Variants in BICC1 observed in about 807,000 individuals in gnomAD.
BICC1 encodes the protein BicC family RNA binding protein 1, also known as protein bicaudal C homolog 1.
BICC1 carries 43 observed loss-of-function variants against 111.0 expected under a neutral mutation model. The ratio of observed to expected loss-of-function variants is 0.39; its 90% CI spans 0.30 to 0.50. The LOEUF (loss-of-function observed/expected upper bound fraction) is 0.50, where lower values mean the gene tolerates loss of function less well. Ranked by LOEUF, BICC1 falls within the 20% of genes least tolerant of loss-of-function variation. BICC1 has a pLI of 0.88. For synonymous variants in BICC1, 467 were observed against 434.4 expected (o/e 1.07, Z -0.93); for missense variants, 1,091 against 1,203.2 (o/e 0.91, Z 1.38).
intron 1 of BICC1, among the ~76,000 whole-genome samples, chr10:58,566,848 T>C (rs545870873): frequency 1.2e-3 from 181 of 152,234 alleles, no homozygotes; most frequent in Non-Finnish European, 2.0e-3. Flanking sequence ...CATTCTTCTG[T>C]TATTCACGAT....
intron 4 of BICC1, among the ~76,000 whole-genome samples, chr10:58,785,289 C>T (rs950911995): frequency 3.3e-5 from 5 of 151,774 alleles, no homozygotes; most frequent in African/African-American, 7.3e-5. Flanking sequence ...ACTATACATA[C>T]ACACACACAC....
At position 58,659,496 on chromosome 10, in the gene BICC1, A is replaced by G. The variant is rs540855008; in HGVS notation, c.237+38595A>G. Among the ~76,000 whole-genome samples, 4 of 152,274 alleles carry G rather than the reference A, an allele frequency of 2.6e-5. No individual in the cohort carries two copies. The South Asian group carries it at 6.2e-4, about 24-fold the overall frequency. On this transcript the variant is annotated intron_variant, in intron 2 of 20. Transcript: ENST00000373886. ...CTAACACAGGAGCAGAAAACCAAACACCATGTATTCTCACTTATAAGTGGG... is the reference window on the plus strand; with the variant it reads ...CTAACACAGGAGCAGAAAACCAAACGCCATGTATTCTCACTTATAAGTGGG...
intron 18 of BICC1, among the ~76,000 whole-genome samples, chr10:58,815,498 T>C (rs530333763): frequency 6.6e-6 from 1 of 152,312 alleles, no homozygotes; most frequent in South Asian, 2.1e-4. Context: ...TCTCTTTTTC[T>C]ATCTTTATCT....
At chr10:58,668,181 T>A (rs1195608900) in intron 2 of BICC1, among the ~76,000 whole-genome samples, 2 of 152,044 alleles carry the variant, frequency 1.3e-5, no homozygotes, top group African/African-American at 4.8e-5. Context: ...GGAAAGGAAG[T>A]TTTACGTCAT....
At chr10:58,713,906 T>G (rs1301908044) in intron 3 of BICC1, among the ~76,000 whole-genome samples, 2 of 152,214 alleles carry the variant, frequency 1.3e-5, no homozygotes, top group African/African-American at 2.4e-5. Context: ...TTTACTGTGA[T>G]TTATAAACTT....
intron 1 of BICC1, among the ~76,000 whole-genome samples, chr10:58,539,448 T>C (rs1355270810): frequency 6.6e-6 from 1 of 151,544 alleles, no homozygotes; most frequent in Admixed American, 6.6e-5. Flanking sequence ...AGTGTTCAGG[T>C]GGTGGGTGCA....
chr10:58,515,535 T>A (rs757989936), intron 1 of BICC1, among the ~76,000 whole-genome samples: 3 of 152,220 alleles, frequency 2.0e-5, no homozygotes, highest in Non-Finnish European at 4.4e-5. Flanking sequence ...AGGTAATGTG[T>A]TATGTTACTA....
At chr10:58,725,405 T>C (rs1380790074) in intron 3 of BICC1, among the ~76,000 whole-genome samples, 1 of 152,178 alleles carries the variant, frequency 6.6e-6, no homozygotes, top group African/African-American at 2.4e-5. Flanking sequence ...ATTTTCTCTC[T>C]ACCTCTGTCT....
chr10:58,742,431 A>ATTT lies in BICC1; in HGVS notation c.307+40310_307+40312dup, dbSNP rs554670544. 1.6e-3 allele frequency among the ~76,000 whole-genome samples: 151 copies of ATTT among 94,142 alleles called. 1 individual carries two copies. The highest frequency in any genetic ancestry group is 8.9e-3 in the Middle Eastern group (1 of 112). 61.8% of individuals were successfully genotyped at this position (94,142 alleles called of 152,430 possible). A position where few individuals can be genotyped will look rare whatever the true frequency, so the allele number is the denominator to read the frequency against. Reference sequence around the variant, plus strand: ...GCCATGAGGTCATGTGTATGCTTTAATTTTTTTTTTTTTTTTTTTTTTTTG... The same window carrying ATTT: ...GCCATGAGGTCATGTGTATGCTTTAATTTTTTTTTTTTTTTTTTTTTTTTTTTG... On this transcript the variant is annotated intron_variant, in intron 3 of 20. Coordinates refer to ENST00000373886, the MANE Select transcript of BICC1 (RefSeq NM_001080512.3).
chr10:58,808,132 A>G (rs188183704), intron 17 of BICC1, among the ~76,000 whole-genome samples: 1 of 151,526 alleles, frequency 6.6e-6, no homozygotes, highest in East Asian at 1.9e-4. Flanking sequence ...TTGAAATACT[A>G]AAAGAGTCTC....
intron 1 of BICC1, among the ~76,000 whole-genome samples, chr10:58,563,954 T>C (rs1223235218): frequency 6.6e-6 from 1 of 152,258 alleles, no homozygotes; most frequent in African/African-American, 2.4e-5. Context: ...TTTTATTTTG[T>C]ACGGCTCTTT....
intron 3 of BICC1, among the ~76,000 whole-genome samples, chr10:58,722,601 A>C (rs1840974008): frequency 6.6e-6 from 1 of 152,212 alleles, no homozygotes; most frequent in Admixed American, 6.5e-5. Flanking sequence ...TATACAGGAA[A>C]ATAAAATTAG....
chr10:58,733,861 G>C (rs1476716098), intron 3 of BICC1, among the ~76,000 whole-genome samples: 6 of 152,202 alleles, frequency 3.9e-5, no homozygotes, highest in Non-Finnish European at 7.3e-5. Context: ...TCTTGATGCA[G>C]AACTATGAAT....
chr10:58,701,997 T>A, intron 2 of BICC1, 77 bp from the exon 3 acceptor site: 2 of 1,134,228 alleles, frequency 1.8e-6, no homozygotes, highest in South Asian at 1.4e-5. Flanking sequence ...GAAAATAAAC[T>A]TTTTTGTGTG....
intron 20 of BICC1, chr10:58,823,175 T>A (rs945272940): frequency 1.3e-5 from 12 of 957,100 alleles, no homozygotes; most frequent in African/African-American, 1.8e-5. Context: ...GTTGACAGGC[T>A]TCCCACCACG....
intron 2 of BICC1, among the ~76,000 whole-genome samples, chr10:58,645,478 A>C (rs193149492): frequency 6.6e-6 from 1 of 150,836 alleles, no homozygotes; most frequent in Non-Finnish European, 1.5e-5. Context: ...GCATTTTGGC[A>C]GGTATTTATT....
chr10:58,643,303 A>G (rs1472621696), intron 2 of BICC1, among the ~76,000 whole-genome samples: 1 of 152,216 alleles, frequency 6.6e-6, no homozygotes, highest in Non-Finnish European at 1.5e-5. Context: ...ATTTGGCTAC[A>G]TTCAGTGATT....
chr10:58,711,267 A>G (rs561982546), intron 3 of BICC1, among the ~76,000 whole-genome samples: 20 of 152,328 alleles, frequency 1.3e-4, no homozygotes, highest in South Asian at 1.2e-3. Flanking sequence ...CAATGTACCA[A>G]TAGTCACTGT....
intron 2 of BICC1, among the ~76,000 whole-genome samples, chr10:58,696,338 TA>T (rs963752205): frequency 3.3e-5 from 5 of 151,748 alleles, no homozygotes; most frequent in African/African-American, 9.7e-5. Context: ...AGATGAAATA[TA>T]AAAAAAAATT....
Sources: gnomAD v4.1 joint callset for allele counts (sites outside exome capture counted in the v4.1 genomes callset) on GRCh38, gnomAD v4.1.1 for gene constraint, MANE v1.5 for transcripts, NCBI Gene and HGNC (gene_info 2026-07-23, HGNC 2026-07-21) for gene names.